Variants in ZNF521 observed in about 807,000 individuals in gnomAD.
The protein encoded by ZNF521 is LYST-interacting protein 3.
Under a neutral mutation model 105.5 loss-of-function variants are expected in ZNF521, and 14 were observed. That is an observed-to-expected ratio of 0.13 (90% CI 0.09 to 0.21). The LOEUF (loss-of-function observed/expected upper bound fraction) is 0.21, where lower values mean the gene tolerates loss of function less well. ZNF521 is among the 10% of genes least tolerant of loss of function. The pLI is 1.00. For missense variants in ZNF521, 1,233 were observed against 1,629.7 expected (o/e 0.76, Z 4.19); for synonymous variants, 635 against 606.0 (o/e 1.05, Z -0.70).
intron 5 of ZNF521, among the ~76,000 whole-genome samples, chr18:25,105,871 A>G (rs988519733): frequency 6.6e-6 from 1 of 152,214 alleles, no homozygotes; most frequent in Non-Finnish European, 1.5e-5. Flanking sequence ...TTGTGTTGAT[A>G]ACGTATGTTT....
chr18:25,168,423 T>C (rs938920691), intron 5 of ZNF521, among the ~76,000 whole-genome samples: 3 of 152,130 alleles, frequency 2.0e-5, no homozygotes, highest in Non-Finnish European at 4.4e-5. Flanking sequence ...GGTCCTCTAC[T>C]GCTAGATAAT....
chr18:25,065,146 T>A (rs1357685780), intron 7 of ZNF521, among the ~76,000 whole-genome samples: 1 of 152,228 alleles, frequency 6.6e-6, no homozygotes, highest in Non-Finnish European at 1.5e-5. Context: ...CCTTTTGCTA[T>A]CTCAGAGTCA....
intron 5 of ZNF521, among the ~76,000 whole-genome samples, chr18:25,167,748 T>G (rs2035371576): frequency 6.6e-6 from 1 of 152,194 alleles, no homozygotes; most frequent in South Asian, 2.1e-4. Flanking sequence ...GATTGCTCTG[T>G]GGCTTTGTGC....
intron 3 of ZNF521, among the ~76,000 whole-genome samples, chr18:25,261,603 A>G (rs1908913310): frequency 1.3e-5 from 2 of 151,468 alleles, no homozygotes; most frequent in Admixed American, 6.6e-5. Flanking sequence ...TTCACTTTCT[A>G]TCCCCTTTTT....
chr18:25,066,701 C>G (rs1438165912), intron 7 of ZNF521, among the ~76,000 whole-genome samples: 4 of 152,304 alleles, frequency 2.6e-5, no homozygotes, highest in South Asian at 4.1e-4. Flanking sequence ...CTGCTCTCCC[C>G]CTGGCTACTT....
intron 2 of ZNF521, among the ~76,000 whole-genome samples, chr18:25,334,139 A>C (rs1236240428): frequency 6.6e-6 from 1 of 152,238 alleles, no homozygotes; most frequent in Non-Finnish European, 1.5e-5. Flanking sequence ...TTTTTTAATC[A>C]GAAGACAAAG....
At chr18:25,084,521 G>A (rs902939931) in intron 7 of ZNF521, among the ~76,000 whole-genome samples, 4 of 140,394 alleles carry the variant, frequency 2.8e-5, no homozygotes, top group African/African-American at 7.4e-5. Context: ...TGAAAGTCTC[G>A]GTATATCCCT....
intron 4 of ZNF521, among the ~76,000 whole-genome samples, chr18:25,207,925 A>G (rs1163175047): frequency 2.0e-5 from 3 of 152,232 alleles, no homozygotes; most frequent in Non-Finnish European, 2.9e-5. Context: ...CCCTTTCCCA[A>G]CCAAGCTTCT....
chr18:25,091,777 T>C (rs2033752204), intron 6 of ZNF521, among the ~76,000 whole-genome samples, 173 bp downstream of exon 6: 1 of 152,200 alleles, frequency 6.6e-6, no homozygotes, highest in Non-Finnish European at 1.5e-5. Context: ...ATGTGAGCCT[T>C]TAAGTAGGCT....
chr18:25,087,373 G>A (rs2033646233), intron 7 of ZNF521, among the ~76,000 whole-genome samples: 1 of 152,192 alleles, frequency 6.6e-6, no homozygotes, highest in Non-Finnish European at 1.5e-5. Context: ...ATGGGTCAGA[G>A]GCCACCGCTG....
intron 5 of ZNF521, among the ~76,000 whole-genome samples, chr18:25,106,037 T>C (rs1245867032): frequency 6.6e-6 from 1 of 152,172 alleles, no homozygotes; most frequent in Non-Finnish European, 1.5e-5. Flanking sequence ...TTGTTGTTTC[T>C]GAATTTATCA....
intron 7 of ZNF521, among the ~76,000 whole-genome samples, chr18:25,072,563 G>C (rs1166888582): frequency 6.6e-6 from 1 of 152,116 alleles, no homozygotes; most frequent in African/African-American, 2.4e-5. Context: ...AAGAACAGGC[G>C]AAAAAGAGCA....
intron 5 of ZNF521, among the ~76,000 whole-genome samples, chr18:25,140,439 G>GGTAA (rs1483385060): frequency 1.3e-5 from 2 of 152,176 alleles, no homozygotes. Context: ...AATCTGTCAG[G>GGTAA]GTAAGACATG....
Position 25,321,948 on chromosome 18 carries a change from A to G in ZNF521, c.220+60T>C. The G allele has an allele frequency of 2.7e-6, 4 of 1,484,286 alleles. No homozygotes were observed. In the Admixed American group the frequency reaches 8.2e-5, roughly 31 times the overall value. 91.9% of individuals were successfully genotyped at this position (1,484,286 alleles called of 1,614,324 possible). A position where few individuals can be genotyped will look rare whatever the true frequency, so the allele number is the denominator to read the frequency against. ...AAGAGAAAAACACATAAAGGAACAA[A>G]CTGAAAAAATCAGAAATAGAACAGT... On this transcript the variant is annotated intron_variant, in intron 3 of 7. Transcript: ENST00000361524.
intron 2 of ZNF521, among the ~76,000 whole-genome samples, chr18:25,348,261 T>C (rs1411473684): frequency 6.6e-6 from 1 of 151,992 alleles, no homozygotes; most frequent in Non-Finnish European, 1.5e-5. Flanking sequence ...TAATGGACAA[T>C]CCGCATACTC....
intron 5 of ZNF521, among the ~76,000 whole-genome samples, chr18:25,143,621 T>C (rs536141658): frequency 6.6e-6 from 1 of 152,296 alleles, no homozygotes; most frequent in Non-Finnish European, 1.5e-5. Flanking sequence ...AGATACCTTG[T>C]AGCAAAGATG....
rs1351477539 is a variant in ZNF521, at chr18:25,224,492, G to A, written c.3426C>T (p.Ser1142=). 11 of 1,614,060 alleles carry A rather than the reference G, an allele frequency of 6.8e-6. No homozygotes were observed. Among genetic ancestry groups the A allele is most frequent in the Non-Finnish European group, 8.5e-6 (10 of 1,179,998 alleles). The change falls in exon 4 of 8, where the codon AGC becomes AGT. Residue 1142 remains serine (S), a synonymous_variant. Coordinates refer to ENST00000361524, the MANE Select transcript of ZNF521 (RefSeq NM_015461.3). The part of the protein sequence containing the change: ...KVGGLKTRCS[S]CNVKFESESE... ...TTTCAGACTCAAACTTAACGTTGCA[G>A]CTAGAGCAGCGTGTCTTCAGTCCCC...
intron 5 of ZNF521, among the ~76,000 whole-genome samples, chr18:25,126,453 C>A (rs1039702819): frequency 6.6e-6 from 1 of 152,042 alleles, no homozygotes; most frequent in South Asian, 2.1e-4. Context: ...TTTTTCTATT[C>A]CCTCTGTAGT....
chr18:25,298,019 C>T lies in ZNF521; in HGVS notation c.220+23989G>A, dbSNP rs540721725. Among the ~76,000 whole-genome samples, 27 of 152,228 alleles carry T rather than the reference C, an allele frequency of 1.8e-4. 1 individual carries two copies. Among genetic ancestry groups the T allele is most frequent in the Admixed American group, 1.3e-3 (20 of 15,296 alleles). ...TCTATGTACCAGGTCCTGGGCTACA[C>T]GCAACATATTCAATTATTCACCTGC... On this transcript the variant is annotated intron_variant, in intron 3 of 7. Coordinates refer to ENST00000361524, the MANE Select transcript of ZNF521 (RefSeq NM_015461.3).
Sources: allele counts gnomAD v4.1 joint callset (sites outside exome capture counted in the v4.1 genomes callset), GRCh38; gene constraint gnomAD v4.1.1; transcripts MANE v1.5; gene names NCBI Gene and HGNC (gene_info 2026-07-23, HGNC 2026-07-21).